Variants in UBE2L6 observed in about 807,000 individuals in gnomAD.
UBE2L6 encodes ubiquitin conjugating enzyme E2 L6, also known as ubiquitin/ISG15-conjugating enzyme E2 L6.
In UBE2L6, 11 loss-of-function variants were observed where a neutral mutation model predicts 13.6. The ratio of observed to expected loss-of-function variants is 0.81; its 90% CI spans 0.51 to 1.34. The LOEUF (loss-of-function observed/expected upper bound fraction) is 1.34. UBE2L6 is among the 40% of genes most tolerant of loss of function. UBE2L6 has a pLI of 0.00. For missense variants in UBE2L6, 197 were observed against 199.5 expected (o/e 0.99, Z 0.07); for synonymous variants, 74 against 83.2 (o/e 0.89, Z 0.60).
At chr11:57,563,955 C>T (rs1365156132) in intron 1 of UBE2L6, among the ~76,000 whole-genome samples, 1 of 152,040 alleles carries the variant, frequency 6.6e-6, no homozygotes, top group Non-Finnish European at 1.5e-5. Flanking sequence ...AGGATCTAGA[C>T]AATGGCCTCA....
At chr11:57,555,964 A>G (rs1944993895) in intron 2 of UBE2L6, among the ~76,000 whole-genome samples, 1 of 152,184 alleles carries the variant, frequency 6.6e-6, no homozygotes, top group African/African-American at 2.4e-5. Flanking sequence ...CTATGATTAA[A>G]AACAAACAAA....
intron 1 of UBE2L6, among the ~76,000 whole-genome samples, chr11:57,566,012 T>G (rs902778054): frequency 6.6e-6 from 1 of 150,546 alleles, no homozygotes; most frequent in Non-Finnish European, 1.5e-5. Context: ...AATAAGCTGC[T>G]TCTGGTGCCT....
chr11:57,563,481 CAAAA>C (rs35614262), intron 1 of UBE2L6, among the ~76,000 whole-genome samples: 7 of 115,690 alleles, frequency 6.1e-5, no homozygotes, highest in Non-Finnish European at 8.9e-5. Flanking sequence ...AACTCTGTCT[CAAAA>C]AAAAAAAAAA....
chr11:57,564,251 G>A (rs998863969), intron 1 of UBE2L6, among the ~76,000 whole-genome samples: 2 of 152,272 alleles, frequency 1.3e-5, no homozygotes, highest in Non-Finnish European at 2.9e-5. Context: ...AATATGTCCA[G>A]CAGCGACTTT....
intron 1 of UBE2L6, among the ~76,000 whole-genome samples, chr11:57,563,015 C>A (rs1333230682): frequency 1.3e-5 from 2 of 152,140 alleles, no homozygotes; most frequent in South Asian, 4.2e-4. Flanking sequence ...GCACACAGGG[C>A]CAATTCCAGA....
At chr11:57,555,413 T>G (rs903478568) in intron 2 of UBE2L6, among the ~76,000 whole-genome samples, 1 of 152,218 alleles carries the variant, frequency 6.6e-6, no homozygotes, top group Non-Finnish European at 1.5e-5. Context: ...ATACCACTTA[T>G]GTGCAGTACC....
chr11:57,555,359 T>C (rs1400009995), intron 2 of UBE2L6, among the ~76,000 whole-genome samples: 1 of 152,220 alleles, frequency 6.6e-6, no homozygotes, highest in Non-Finnish European at 1.5e-5. Context: ...GAAGACACTA[T>C]GCTACAGGAA....
chr11:57,560,733 G>C (rs1945037591), intron 1 of UBE2L6, among the ~76,000 whole-genome samples: 1 of 151,168 alleles, frequency 6.6e-6, no homozygotes, highest in Non-Finnish European at 1.5e-5. Context: ...CCATTCTCCT[G>C]CCTCAGCCTC....
Position 57,567,587 on chromosome 11 carries a change from T to G in UBE2L6, c.25A>C (p.Lys9Gln). The change falls in exon 1 of 4, where the codon AAG becomes CAG. Residue 9 changes from lysine (K) to glutamine (Q), a missense_variant and splice_region_variant. By Grantham distance (53) the Lys-to-Gln change is moderately conservative. Transcript: ENST00000287156. ...GGGGTCATCCTATACGCGGTTACCTTCACCACTCGCATGCTCGCCATCATG... is the reference window on the plus strand; with the variant it reads ...GGGGTCATCCTATACGCGGTTACCTGCACCACTCGCATGCTCGCCATCATG... MMASMRVV[K>Q]ELEDLQKKPP... The G allele has an allele frequency of 2.5e-6, 4 of 1,607,958 alleles. No homozygotes were observed. Among genetic ancestry groups the G allele is most frequent in the Non-Finnish European group, 3.4e-6 (4 of 1,178,132 alleles).
At chr11:57,565,502 C>T (rs905641082) in intron 1 of UBE2L6, among the ~76,000 whole-genome samples, 1 of 151,250 alleles carries the variant, frequency 6.6e-6, no homozygotes, top group Non-Finnish European at 1.5e-5. Flanking sequence ...GTAGCTAGGA[C>T]TACAGCAGTG....
At chr11:57,563,430 G>A (rs1259771600) in intron 1 of UBE2L6, among the ~76,000 whole-genome samples, 4 of 147,408 alleles carry the variant, frequency 2.7e-5, no homozygotes, top group Admixed American at 6.8e-5. Flanking sequence ...GCAGTGAGCC[G>A]AGAGCATGCC....
At position 57,567,654 on chromosome 11, in the gene UBE2L6, G is replaced by C. The variant is rs764653981; in HGVS notation, c.-43C>G. On this transcript the variant is annotated 5_prime_UTR_variant, in exon 1 of 4. Coordinates refer to ENST00000287156, the MANE Select transcript of UBE2L6 (RefSeq NM_004223.5). ...GGCACCCGTGGCCTCCAGCAGGACC[G>C]AGCTCCGACCCGCGACACAGCGCGC... The C allele has an allele frequency of 1.5e-5, 24 of 1,588,218 alleles. No homozygotes were observed. Among genetic ancestry groups the C allele is most frequent in the Non-Finnish European group, 2.0e-5 (23 of 1,167,490 alleles).
chr11:57,563,211 C>T (rs1030714250), intron 1 of UBE2L6, among the ~76,000 whole-genome samples: 2 of 151,776 alleles, frequency 1.3e-5, no homozygotes, highest in Non-Finnish European at 1.5e-5. Flanking sequence ...CAATTGAGGC[C>T]GGGTGCAGTG....
At chr11:57,556,445 G>A (rs1405550096) in intron 2 of UBE2L6, among the ~76,000 whole-genome samples, 4 of 152,018 alleles carry the variant, frequency 2.6e-5, no homozygotes, top group African/African-American at 9.7e-5. Flanking sequence ...TTAGCCGGGT[G>A]TGGTGGTGCA....
chr11:57,562,712 T>C (rs974921280), intron 1 of UBE2L6, among the ~76,000 whole-genome samples: 2 of 152,234 alleles, frequency 1.3e-5, no homozygotes, highest in African/African-American at 4.8e-5. Flanking sequence ...TTCTTCCTGA[T>C]GTTATCCAAA....
intron 2 of UBE2L6, among the ~76,000 whole-genome samples, chr11:57,555,167 C>T (rs1211890673): frequency 6.6e-6 from 1 of 152,132 alleles, no homozygotes; most frequent in African/African-American, 2.4e-5. Context: ...TGGGTAGACA[C>T]CCAAAGAACT....
At chr11:57,558,586 A>G (rs1325450775) in intron 2 of UBE2L6, among the ~76,000 whole-genome samples, 1 of 152,172 alleles carries the variant, frequency 6.6e-6, no homozygotes, top group Non-Finnish European at 1.5e-5. Context: ...ATATGACCTC[A>G]TATGTCGTGT....
chr11:57,566,040 G>T (rs1032345122), intron 1 of UBE2L6, among the ~76,000 whole-genome samples: 2 of 151,470 alleles, frequency 1.3e-5, no homozygotes, highest in African/African-American at 4.9e-5. Flanking sequence ...AGGGTCAATG[G>T]CCCTTCATTT....
intron 1 of UBE2L6, among the ~76,000 whole-genome samples, chr11:57,566,238 C>T (rs1450197752): frequency 6.6e-6 from 1 of 152,148 alleles, no homozygotes; most frequent in African/African-American, 2.4e-5. Flanking sequence ...TTCCCAAAGC[C>T]TGAGGAAGTT....
Sources: gnomAD v4.1 joint callset for allele counts (sites outside exome capture counted in the v4.1 genomes callset) on GRCh38, gnomAD v4.1.1 for gene constraint, MANE v1.5 for transcripts, NCBI Gene and HGNC (gene_info 2026-07-23, HGNC 2026-07-21) for gene names.